The following SPAG16 variants were observed in gnomAD, a reference collection of about 807,000 sequenced individuals.
SPAG16 encodes sperm-associated antigen 16 protein.
SPAG16 carries 86 observed loss-of-function variants against 80.4 expected under a neutral mutation model. The observed-to-expected ratio is 1.07, with a 90% CI of 0.90 to 1.28. The LOEUF is 1.28. Ranked by LOEUF, SPAG16 falls within the 50% of genes most tolerant of loss-of-function variation. The pLI is 0.00. For missense variants in SPAG16, 870 were observed against 765.3 expected, an observed-to-expected ratio of 1.14 and a Z score of -1.61; for synonymous variants, 294 against 265.9, an observed-to-expected ratio of 1.11 and a Z score of -1.03.
At chr2:213,890,774 T>C (rs1028639042) in intron 11 of SPAG16, among the ~76,000 whole-genome samples, 11 of 152,050 alleles carry the variant, frequency 7.2e-5, no homozygotes, top group Non-Finnish European at 5.9e-5. Context: ...AATATATTTC[T>C]TTTTATTTAT....
Position 214,174,792 on chromosome 2 carries a change from G to C in SPAG16, c.1720+25526G>C, listed in dbSNP as rs73081032. On this transcript the variant is annotated intron_variant, in intron 15 of 15. Coordinates refer to ENST00000331683, the MANE Select transcript of SPAG16 (RefSeq NM_024532.5). Reference sequence around the variant, plus strand: ...GCATAAACATCTAGCCAGTGGACAGGAAAAGATAGGGAAAGCTTTCTTCAT... The same window carrying C: ...GCATAAACATCTAGCCAGTGGACAGCAAAAGATAGGGAAAGCTTTCTTCAT... Among the ~76,000 whole-genome samples, 513 of 151,776 alleles carry C rather than the reference G, an allele frequency of 3.4e-3. 2 individuals are homozygous for C. The highest frequency in any genetic ancestry group is 0.012 in the African/African-American group (490 of 41,486).
intron 13 of SPAG16, among the ~76,000 whole-genome samples, chr2:214,095,105 T>G (rs1280287015): frequency 6.6e-6 from 1 of 152,056 alleles, no homozygotes; most frequent in African/African-American, 2.4e-5. Flanking sequence ...CTTAGCACAT[T>G]GGAAATCTAG....
At chr2:214,009,775 A>C (rs1285049810) in intron 12 of SPAG16, among the ~76,000 whole-genome samples, 1 of 152,196 alleles carries the variant, frequency 6.6e-6, no homozygotes, top group Non-Finnish European at 1.5e-5. Context: ...TGTAGGAGAC[A>C]ACAAATCTGA....
intron 15 of SPAG16, among the ~76,000 whole-genome samples, chr2:214,169,297 A>G (rs1445553048): frequency 6.6e-6 from 1 of 152,002 alleles, no homozygotes; most frequent in Non-Finnish European, 1.5e-5. Flanking sequence ...ATTTTGTGTT[A>G]AAAAAGAACA....
chr2:213,850,865 ATCTT>A (rs1464332843), intron 10 of SPAG16, among the ~76,000 whole-genome samples: 4 of 152,042 alleles, frequency 2.6e-5, no homozygotes, highest in African/African-American at 4.8e-5. Context: ...TAAAATGTAA[ATCTT>A]TATATTTTTA....
chr2:213,937,660 C>T (rs1333790768), intron 12 of SPAG16, among the ~76,000 whole-genome samples: 2 of 151,678 alleles, frequency 1.3e-5, no homozygotes, highest in Admixed American at 6.6e-5. Context: ...TTTTCCTTTC[C>T]CCCCCAAAAG....
intron 15 of SPAG16, among the ~76,000 whole-genome samples, chr2:214,395,613 T>C (rs1202914085): frequency 6.6e-6 from 1 of 152,182 alleles, no homozygotes; most frequent in Non-Finnish European, 1.5e-5. Flanking sequence ...GTGTACAAAA[T>C]AGTTCATCAC....
intron 10 of SPAG16, among the ~76,000 whole-genome samples, chr2:213,728,637 A>T (rs142836708): frequency 0.057 from 8,604 of 152,136 alleles, 522 homozygotes; most frequent in African/African-American, 0.15. Context: ...GCACTTTGGG[A>T]GGCCGAAGCG....
intron 10 of SPAG16, among the ~76,000 whole-genome samples, chr2:213,779,574 C>G (rs531589070): frequency 1.3e-5 from 2 of 152,242 alleles, no homozygotes; most frequent in Admixed American, 6.5e-5. Flanking sequence ...GGAGAGGTAA[C>G]CGCTCCTTCA....
intron 13 of SPAG16, among the ~76,000 whole-genome samples, chr2:214,092,846 C>T (rs1213718896): frequency 6.6e-6 from 1 of 151,990 alleles, no homozygotes; most frequent in Non-Finnish European, 1.5e-5. Context: ...CAGGACCTGG[C>T]CTTTTCTATG....
At chr2:213,475,526 T>G (rs1025947764) in intron 9 of SPAG16, among the ~76,000 whole-genome samples, 1 of 152,130 alleles carries the variant, frequency 6.6e-6, no homozygotes, top group Non-Finnish European at 1.5e-5. Flanking sequence ...TTGCTAATCT[T>G]GAATTTGAAG....
chr2:213,553,714 A>G (rs1397101047), intron 10 of SPAG16, among the ~76,000 whole-genome samples: 1 of 152,096 alleles, frequency 6.6e-6, no homozygotes, highest in East Asian at 1.9e-4. Context: ...CATGTTTCAT[A>G]TACCACAGCC....
rs574213503 is a variant in SPAG16 at position 213,851,191 on chromosome 2, T to C, written c.1071-11294T>C. ...GAGAAAGACCAAAGAATTGATACGA[T>C]GTTTAAAAAGATTTGGGTTGAATCT... On this transcript the variant is annotated intron_variant, in intron 10 of 15. Transcript: ENST00000331683. 4.0e-3 allele frequency among the ~76,000 whole-genome samples: 607 copies of C among 152,316 alleles called. 4 individuals carry two copies. The highest frequency in any genetic ancestry group is 4.9e-3 in the Non-Finnish European group (336 of 68,020).
At chr2:213,409,393 A>AT (rs1382288578) in intron 9 of SPAG16, among the ~76,000 whole-genome samples, 1 of 152,194 alleles carries the variant, frequency 6.6e-6, no homozygotes, top group African/African-American at 2.4e-5. Context: ...CAGGTTAAAA[A>AT]ATATATATTT....
intron 15 of SPAG16, among the ~76,000 whole-genome samples, chr2:214,357,832 C>T: frequency 6.6e-6 from 1 of 151,782 alleles, no homozygotes. Flanking sequence ...CTAGGGAAGG[C>T]TTATTCATGC....
rs145849249 is a variant in SPAG16 at position 214,110,551 on chromosome 2, G to A, written c.1593+2290G>A. On this transcript the variant is annotated intron_variant, in intron 14 of 15. Transcript: ENST00000331683. ...CAGTCTATGATTGATGGACATTTGC[G>A]TTGGTTCCAAGTTTTTGCTATTGTG... Among the ~76,000 whole-genome samples, 554 of 152,242 alleles carry A rather than the reference G, an allele frequency of 3.6e-3. 3 individuals carry two copies. The highest frequency in any genetic ancestry group is 0.017 in the Middle Eastern group (5 of 294).
intron 15 of SPAG16, among the ~76,000 whole-genome samples, chr2:214,175,161 G>T (rs745762116): frequency 2.7e-5 from 4 of 148,982 alleles, no homozygotes; most frequent in South Asian, 2.1e-4. Flanking sequence ...TGCAGAATTC[G>T]AAAGAAGGTT....
chr2:213,590,391 C>T (rs1429258910), intron 10 of SPAG16, among the ~76,000 whole-genome samples: 1 of 150,842 alleles, frequency 6.6e-6, no homozygotes, highest in African/African-American at 2.4e-5. Flanking sequence ...CCAATGTTTG[C>T]ATCTGACAAA....
intron 9 of SPAG16, among the ~76,000 whole-genome samples, chr2:213,427,127 A>G (rs1270793447): frequency 6.6e-6 from 1 of 152,174 alleles, no homozygotes; most frequent in Non-Finnish European, 1.5e-5. Flanking sequence ...ATAATACATC[A>G]AAAGCTCACA....
Sources: gnomAD v4.1 joint callset for allele counts (sites outside exome capture counted in the v4.1 genomes callset) on GRCh38, gnomAD v4.1.1 for gene constraint, MANE v1.5 for transcripts, NCBI Gene and HGNC (gene_info 2026-07-23, HGNC 2026-07-21) for gene names.